The following MSI2 variants were observed in gnomAD, a reference collection of about 807,000 sequenced individuals.
MSI2 encodes the protein musashi RNA binding protein 2.
MSI2 carries 17 observed loss-of-function variants against 45.6 expected under a neutral mutation model. The ratio of observed to expected loss-of-function variants is 0.37; its 90% CI spans 0.26 to 0.56. The LOEUF (loss-of-function observed/expected upper bound fraction) is 0.56, where lower values mean the gene tolerates loss of function less well. Among genes scored for constraint, MSI2 ranks in the 20% least tolerant of loss-of-function variants. The pLI, the probability that MSI2 is intolerant of heterozygous loss-of-function variation, is 0.77. For missense variants in MSI2, 293 were observed against 444.2 expected (o/e 0.66, Z 3.06); for synonymous variants, 156 against 158.2 (o/e 0.99, Z 0.11).
intron 6 of MSI2, among the ~76,000 whole-genome samples, chr17:57,441,096 G>A (rs2084792013): frequency 6.6e-6 from 1 of 152,176 alleles, no homozygotes. Flanking sequence ...AGTGACGCTG[G>A]TAACCCACTA....
In MSI2 at chr17:57,257,146, AGGGAGGGG is replaced by A; in HGVS notation, c.103+13_103+20del. ...GCTGGCAGACCTCACCAGGTAAGGG[AGGGAGGGG>A]GGGACGCCTGGGTCCCCCCCTTCTT... On this transcript the variant is annotated intron_variant, in intron 2 of 13. Coordinates refer to ENST00000284073, the MANE Select transcript of MSI2 (RefSeq NM_138962.4). 6.5e-6 allele frequency: 3 copies of A among 460,974 alleles called. No individual in the cohort carries two copies. Among genetic ancestry groups the A allele is most frequent in the Non-Finnish European group, 1.3e-5 (3 of 238,036 alleles). The allele number at this position is 460,974 out of a possible 1,614,324, so 28.6% of individuals were successfully genotyped here. A position where few individuals can be genotyped will look rare whatever the true frequency, so the allele number is the denominator to read the frequency against.
chr17:57,687,571 C>T (rs1032056691), downstream of MSI2, among the ~76,000 whole-genome samples: 1 of 151,934 alleles, frequency 6.6e-6, no homozygotes, highest in African/African-American at 2.4e-5. Context: ...CCAGGATAAA[C>T]TTAATATCAC....
At chr17:57,572,435 A>G (rs2087903027) in intron 7 of MSI2, among the ~76,000 whole-genome samples, 3 of 152,232 alleles carry the variant, frequency 2.0e-5, no homozygotes, top group Non-Finnish European at 2.9e-5. Flanking sequence ...TTTGTGGGAC[A>G]TGGTCTCAGA....
intron 5 of MSI2, among the ~76,000 whole-genome samples, chr17:57,331,966 A>G (rs1223074043): frequency 2.0e-5 from 3 of 152,162 alleles, no homozygotes; most frequent in African/African-American, 7.2e-5. Context: ...TTCATTCACC[A>G]CCTCATTGTG....
intron 5 of MSI2, among the ~76,000 whole-genome samples, chr17:57,291,101 C>T (rs1248398498): frequency 6.6e-6 from 1 of 152,190 alleles, no homozygotes; most frequent in East Asian, 1.9e-4. Flanking sequence ...GCCAGCATCC[C>T]ATACTCAATT....
intron 6 of MSI2, among the ~76,000 whole-genome samples, chr17:57,411,590 G>C (rs1329619559): frequency 6.6e-6 from 1 of 152,144 alleles, no homozygotes; most frequent in East Asian, 1.9e-4. Context: ...AACAGCAGTG[G>C]GGCCCAAGGT....
At chr17:57,662,697 T>A (rs1275830269) in intron 11 of MSI2, among the ~76,000 whole-genome samples, 1 of 152,180 alleles carries the variant, frequency 6.6e-6, no homozygotes, top group Admixed American at 6.5e-5. Flanking sequence ...CCACAGCTGC[T>A]CTTAACTAAA....
At chr17:57,601,893 G>A (rs1394497192) in intron 8 of MSI2, 3 of 152,374 alleles carry the variant, frequency 2.0e-5, no homozygotes, top group South Asian at 4.1e-4. Context: ...CTCAGCAGCA[G>A]TGGATCTTCC....
chr17:57,688,229 A>C (rs937658312), downstream of MSI2, among the ~76,000 whole-genome samples: 2 of 152,116 alleles, frequency 1.3e-5, no homozygotes, highest in Non-Finnish European at 2.9e-5. Context: ...GAAAAGACAA[A>C]GATGATTTTA....
intron 6 of MSI2, among the ~76,000 whole-genome samples, chr17:57,417,504 T>C (rs771844295): frequency 6.6e-6 from 1 of 152,142 alleles, no homozygotes; most frequent in Non-Finnish European, 1.5e-5. Flanking sequence ...GCTTTACAGA[T>C]GCTCCCCTTC....
At chr17:57,409,849 A>G (rs1164122739) in intron 6 of MSI2, among the ~76,000 whole-genome samples, 1 of 151,956 alleles carries the variant, frequency 6.6e-6, no homozygotes, top group Admixed American at 6.6e-5. Context: ...TCTACTAAAA[A>G]TACAAAAAAT....
At chr17:57,355,768 C>A (rs116686270) in intron 5 of MSI2, among the ~76,000 whole-genome samples, 2,326 of 152,236 alleles carry the variant, frequency 0.015, 61 homozygotes, top group African/African-American at 0.053. Flanking sequence ...GCTCTGTGAC[C>A]CTGGATGTGC....
chr17:57,344,891 C>T (rs192339795), intron 5 of MSI2, among the ~76,000 whole-genome samples: 18 of 152,144 alleles, frequency 1.2e-4, no homozygotes, highest in Non-Finnish European at 7.4e-5. Context: ...GGTGAAACCC[C>T]GTCCCTACTA....
chr17:57,377,297 C>T (rs1024923842), intron 5 of MSI2, among the ~76,000 whole-genome samples: 4 of 152,192 alleles, frequency 2.6e-5, no homozygotes, highest in Admixed American at 6.5e-5. Context: ...CCCTCAGGTA[C>T]GAGTCTGCTA....
intron 6 of MSI2, among the ~76,000 whole-genome samples, chr17:57,477,601 C>T (rs1310423007): frequency 6.6e-6 from 1 of 152,210 alleles, no homozygotes; most frequent in African/African-American, 2.4e-5. Flanking sequence ...CACATTTGTA[C>T]AAAGCCTACT....
intron 11 of MSI2, among the ~76,000 whole-genome samples, chr17:57,655,898 A>AT (rs1409255814): frequency 1.3e-5 from 2 of 151,746 alleles, no homozygotes; most frequent in African/African-American, 4.8e-5. Flanking sequence ...TTCGTTTTTG[A>AT]TTTTTTTTAT....
chr17:57,575,881 C>T (rs2088026145), intron 7 of MSI2, among the ~76,000 whole-genome samples: 1 of 136,784 alleles, frequency 7.3e-6, no homozygotes, highest in South Asian at 2.3e-4. Context: ...GGAGGCGGAG[C>T]TTGCAGTGAG....
chr17:57,267,809 A>T (rs540593520), intron 5 of MSI2: 1 of 152,206 alleles, frequency 6.6e-6, no homozygotes, highest in African/African-American at 2.4e-5. Flanking sequence ...TTGGTGCTTA[A>T]TTAAGGTCCT....
intron 7 of MSI2, among the ~76,000 whole-genome samples, chr17:57,555,167 C>T (rs1394158122): frequency 6.6e-6 from 1 of 152,218 alleles, no homozygotes; most frequent in Admixed American, 6.5e-5. Context: ...CCTGAGGCTT[C>T]AGCCCGGGCC....
Sources: gnomAD v4.1 joint callset for allele counts (sites outside exome capture counted in the v4.1 genomes callset) on GRCh38, gnomAD v4.1.1 for gene constraint, MANE v1.5 for transcripts, NCBI Gene and HGNC (gene_info 2026-07-23, HGNC 2026-07-21) for gene names.